Variants in KCTD1 observed in about 807,000 individuals in gnomAD.
The protein encoded by KCTD1 is potassium channel tetramerization domain containing 1.
In KCTD1, 24 loss-of-function variants were observed where a neutral mutation model predicts 66.0. The ratio of observed to expected loss-of-function variants is 0.36; its 90% CI spans 0.26 to 0.51. The LOEUF (loss-of-function observed/expected upper bound fraction) is 0.51. KCTD1 is among the 20% of genes least tolerant of loss of function. The pLI is 0.95. For missense variants in KCTD1, 943 were observed against 1,205.2 expected (o/e 0.78, Z 3.22); for synonymous variants, 511 against 517.2 (o/e 0.99, Z 0.16).
In KCTD1 at chr18:26,627,375, C is replaced by T. The variant is rs541721118; in HGVS notation, c.-16+1772G>A. Among the ~76,000 whole-genome samples, 74 of 152,046 alleles carry T rather than the reference C, an allele frequency of 4.9e-4. No individual in the cohort carries two copies. In the South Asian group the frequency reaches 0.015, roughly 30 times the overall value. On this transcript the variant is annotated intron_variant, in intron 1 of 4. Coordinates refer to the KCTD1 transcript ENST00000317932. ...CACCAAGCTTCTAGATTTACTGTTT[C>T]GCTACCAGGGTGCATTTGAAATATT...
chr18:26,470,438 C>T (rs1206054012), intron 3 of KCTD1, among the ~76,000 whole-genome samples: 1 of 152,178 alleles, frequency 6.6e-6, no homozygotes, highest in African/African-American at 2.4e-5. Context: ...GATGTGACGC[C>T]TGGAATGGTG....
intron 1 of KCTD1, among the ~76,000 whole-genome samples, chr18:26,534,703 T>G (rs1984604760): frequency 6.6e-6 from 1 of 152,168 alleles, no homozygotes; most frequent in African/African-American, 2.4e-5. Flanking sequence ...TATTAAGAAA[T>G]GTAGTAACCT....
chr18:26,538,668 T>G (rs1333011600), intron 1 of KCTD1, among the ~76,000 whole-genome samples: 1 of 152,134 alleles, frequency 6.6e-6, no homozygotes, highest in Non-Finnish European at 1.5e-5. Flanking sequence ...TGATAGCAAA[T>G]ATTCATATAG....
chr18:26,497,903 T>C (rs116408705), intron 2 of KCTD1, among the ~76,000 whole-genome samples: 1,843 of 152,262 alleles, frequency 0.012, 36 homozygotes, highest in African/African-American at 0.042. Context: ...ACGGGAGTCA[T>C]CCAGGCAAGA....
At chr18:26,548,577 C>T, upstream of KCTD1, 1 of 1,209,358 alleles carries the variant, frequency 8.3e-7, no homozygotes, top group Non-Finnish European at 1.0e-6. Context: ...GGCGCATGCG[C>T]TATATTGGAC....
At chr18:26,581,843 A>C (rs1479770627) in intron 1 of KCTD1, 1 of 152,166 alleles carries the variant, frequency 6.6e-6, no homozygotes, top group African/African-American at 2.4e-5. Context: ...TTAAAAGATA[A>C]AAATATATAT....
intron 2 of KCTD1, among the ~76,000 whole-genome samples, chr18:26,495,086 T>C (rs1982398539): frequency 6.6e-6 from 1 of 151,630 alleles, no homozygotes; most frequent in Non-Finnish European, 1.5e-5. Flanking sequence ...AAAGCAAGTG[T>C]AGTGAATAAA....
intron 1 of KCTD1, among the ~76,000 whole-genome samples, chr18:26,584,204 G>T (rs894857877): frequency 2.0e-5 from 3 of 152,166 alleles, no homozygotes; most frequent in African/African-American, 4.8e-5. Flanking sequence ...TCTTGGCGTG[G>T]ATCCACCTGT....
chr18:26,477,639 G>C (rs1255264057), intron 2 of KCTD1, among the ~76,000 whole-genome samples: 1 of 152,010 alleles, frequency 6.6e-6, no homozygotes, highest in South Asian at 2.1e-4. Context: ...GGTTGAAGTG[G>C]GGCAGGTGTA....
chr18:26,617,109 T>A (rs1040572363), intron 1 of KCTD1, among the ~76,000 whole-genome samples: 1 of 152,244 alleles, frequency 6.6e-6, no homozygotes, highest in African/African-American at 2.4e-5. Context: ...TGGGAATTGC[T>A]GGGTATGTCT....
chr18:26,599,833 C>A, intron 1 of KCTD1: 3 of 1,558,096 alleles, frequency 1.9e-6, no homozygotes, highest in South Asian at 2.2e-5. Flanking sequence ...ACAGTCTGTT[C>A]GAGAACACCT....
chr18:26,504,695 A>T (rs996774783), intron 1 of KCTD1, among the ~76,000 whole-genome samples: 1 of 151,500 alleles, frequency 6.6e-6, no homozygotes, highest in African/African-American at 2.4e-5. Flanking sequence ...TAAAATCCTT[A>T]GGCTGGGGTT....
At chr18:26,492,871 C>T (rs186381058) in intron 2 of KCTD1, among the ~76,000 whole-genome samples, 1 of 151,972 alleles carries the variant, frequency 6.6e-6, no homozygotes, top group Non-Finnish European at 1.5e-5. Flanking sequence ...ATATAAATAC[C>T]GTCCCTACCT....
chr18:26,459,826 A>C lies in KCTD1; in HGVS notation c.2233T>G (p.Ser745Ala). The part of the protein sequence containing the change: ...WKQDRETGRF[S>A]RPCECLVVRV... ...ACGACGAGGCACTCACAGGGCCTTG[A>C]AAATCGACCAGTTTCTCTGTCCTGC... is the stretch of plus-strand genomic sequence containing the variant. Residue 745 changes from serine (S) to alanine (A), a missense_variant, in exon 4 of 5, where the codon TCA becomes GCA. Ser to Ala is a moderately conservative substitution (Grantham distance 99). Around this residue, in one of 10 missense-constraint regions of KCTD1, gnomAD observed 162 missense variants for 232.4 expected, o/e 0.70. Transcript: ENST00000580059. 6.2e-7 allele frequency: 1 copy of C among 1,614,180 alleles called. No homozygotes were observed. Among genetic ancestry groups the C allele is most frequent in the Middle Eastern group, 1.6e-4 (1 of 6,062 alleles).
intron 1 of KCTD1, among the ~76,000 whole-genome samples, chr18:26,590,051 T>A (rs1288208035): frequency 6.6e-6 from 1 of 152,164 alleles, no homozygotes. Flanking sequence ...GCCCTATCTC[T>A]GTACTTCATA....
rs1985256798 is a variant in KCTD1, at chr18:26,546,941, G to C, written c.1596C>G (p.Pro532=). ...ACACAGACTCGTACAGGGCGCGCTT[G>C]GGCGCAGCCTCGGATTTCACGTCGG... ...VGPDVKSEAA[P]KRALYESVFG... is the part of the protein sequence containing the mutation. The change falls in exon 1 of 5, where the codon CCC becomes CCG. Residue 532 remains proline, a synonymous_variant. Transcript: ENST00000580059. The C allele has an allele frequency of 2.7e-6, 4 of 1,474,738 alleles. No individual in the cohort carries two copies. The highest frequency in any genetic ancestry group is 3.6e-6 in the Non-Finnish European group (4 of 1,109,650). 91.4% of individuals were successfully genotyped at this position (1,474,738 alleles called of 1,614,324 possible).
chr18:26,651,110 G>GTT (rs374076190), intron 1 of KCTD1, among the ~76,000 whole-genome samples: 1 of 151,976 alleles, frequency 6.6e-6, no homozygotes, highest in Non-Finnish European at 1.5e-5. Context: ...CACTGTTTTT[G>GTT]TTTTTTTTCT....
chr18:26,637,208 T>C (rs1987742474), intron 1 of KCTD1, among the ~76,000 whole-genome samples: 1 of 152,194 alleles, frequency 6.6e-6, no homozygotes, highest in South Asian at 2.1e-4. Context: ...ATTTTGTGCT[T>C]CCCCTCCTTC....
At chr18:26,582,696 C>T (rs1353192889) in intron 1 of KCTD1, among the ~76,000 whole-genome samples, 1 of 152,144 alleles carries the variant, frequency 6.6e-6, no homozygotes, top group Non-Finnish European at 1.5e-5. Context: ...AGATACCATG[C>T]ACCTCTAGAA....
Sources: gnomAD v4.1 joint callset for allele counts (sites outside exome capture counted in the v4.1 genomes callset) on GRCh38, gnomAD v4.1.1 for gene constraint, gnomAD v4.1.1 regional missense constraint, MANE v1.5 for transcripts, NCBI Gene and HGNC (gene_info 2026-07-23, HGNC 2026-07-21) for gene names.